Variants in LGR5 observed in about 807,000 individuals in gnomAD.
LGR5 encodes the protein leucine-rich repeat-containing G protein-coupled receptor 5.
In LGR5, 54 loss-of-function variants were observed where a neutral mutation model predicts 76.7. That is an observed-to-expected ratio of 0.70 (90% CI 0.57 to 0.88). LGR5 has a LOEUF of 0.88. Among genes scored for constraint, LGR5 ranks in the 40% least tolerant of loss-of-function variants. The pLI, the probability that LGR5 is intolerant of heterozygous loss-of-function variation, is 0.00. For missense variants in LGR5, 1,078 were observed against 1,073.3 expected, an observed-to-expected ratio of 1.00 and a Z score of -0.06; for synonymous variants, 406 against 421.9, an observed-to-expected ratio of 0.96 and a Z score of 0.46.
chr12:71,569,725 T>G (rs1422499945), intron 11 of LGR5, among the ~76,000 whole-genome samples: 1 of 152,182 alleles, frequency 6.6e-6, no homozygotes, highest in Non-Finnish European at 1.5e-5. Flanking sequence ...ATAAATTAGT[T>G]CAACCATTGT....
intron 1 of LGR5, among the ~76,000 whole-genome samples, chr12:71,488,952 A>G (rs1293722991): frequency 6.6e-6 from 1 of 152,198 alleles, no homozygotes; most frequent in African/African-American, 2.4e-5. Context: ...AAATCTGTCC[A>G]GGGATGCCCA....
At chr12:71,545,696 T>C (rs1877121446) in intron 4 of LGR5, among the ~76,000 whole-genome samples, 1 of 152,146 alleles carries the variant, frequency 6.6e-6, no homozygotes, top group Admixed American at 6.5e-5. Flanking sequence ...ACTAACACTT[T>C]ACTTCTTATA....
intron 2 of LGR5, among the ~76,000 whole-genome samples, chr12:71,518,658 T>C (rs1001639154): frequency 4.6e-5 from 7 of 152,128 alleles, no homozygotes; most frequent in African/African-American, 1.7e-4. Flanking sequence ...CCATGGAATA[T>C]TATTCAGCCA....
intron 4 of LGR5, among the ~76,000 whole-genome samples, chr12:71,540,910 A>T (rs1349062680): frequency 1.3e-5 from 2 of 152,216 alleles, no homozygotes; most frequent in Admixed American, 6.5e-5. Flanking sequence ...CTTCCACTAA[A>T]ATAGTCTCCA....
At chr12:71,501,262 G>T (rs1462608563) in intron 1 of LGR5, among the ~76,000 whole-genome samples, 1 of 152,154 alleles carries the variant, frequency 6.6e-6, no homozygotes, top group Non-Finnish European at 1.5e-5. Context: ...TCAGAATGAA[G>T]ATATTTTGCA....
At chr12:71,556,970 T>A (rs1877801280) in intron 6 of LGR5, among the ~76,000 whole-genome samples, 1 of 152,226 alleles carries the variant, frequency 6.6e-6, no homozygotes, top group South Asian at 2.1e-4. Flanking sequence ...TAGAAATGTG[T>A]AGTCTCTGTC....
chr12:71,525,269 A>G (rs1018609936), intron 3 of LGR5, among the ~76,000 whole-genome samples: 11 of 152,158 alleles, frequency 7.2e-5, no homozygotes, highest in African/African-American at 2.7e-4. Flanking sequence ...GACCTAAAAG[A>G]CACATAGGTT....
chr12:71,582,986 GGGGAA>G (rs1291792702), intron 17 of LGR5, among the ~76,000 whole-genome samples: 9 of 147,498 alleles, frequency 6.1e-5, no homozygotes, highest in Admixed American at 1.4e-4. Flanking sequence ...GGAAGGAGAA[GGGGAA>G]GGGAAGGGAG....
At chr12:71,499,248 A>G (rs1318905975) in intron 1 of LGR5, among the ~76,000 whole-genome samples, 1 of 152,146 alleles carries the variant, frequency 6.6e-6, no homozygotes, top group African/African-American at 2.4e-5. Flanking sequence ...GCTTTGATAC[A>G]GGATATATCA....
intron 5 of LGR5, among the ~76,000 whole-genome samples, chr12:71,553,829 A>G (rs1427172460): frequency 1.3e-5 from 2 of 152,170 alleles, no homozygotes; most frequent in Non-Finnish European, 2.9e-5. Context: ...AGTGGCTCAT[A>G]CCTGTAATCC....
At chr12:71,453,219 T>C (rs1216267554) in intron 1 of LGR5, among the ~76,000 whole-genome samples, 1 of 152,214 alleles carries the variant, frequency 6.6e-6, no homozygotes, top group Non-Finnish European at 1.5e-5. Flanking sequence ...ATTCTAACTT[T>C]TGTTTCTGAT....
At chr12:71,526,887 G>A (rs894395921) in intron 3 of LGR5, among the ~76,000 whole-genome samples, 1 of 152,074 alleles carries the variant, frequency 6.6e-6, no homozygotes, top group Non-Finnish European at 1.5e-5. Context: ...GGGACAATAC[G>A]TACAGCAACA....
chr12:71,566,492 C>T lies in LGR5; in HGVS notation c.929+17C>T, dbSNP rs746328435. ...AAGAACACTGTAAGTTTCTATGTCT[C>T]TTATGGATCACTTTCCCTCTACAGG... On this transcript the variant is annotated intron_variant, in intron 9 of 17. Transcript: ENST00000266674. 2 of 1,577,830 alleles carry T rather than the reference C, an allele frequency of 1.3e-6. No individual in the cohort carries two copies. The highest frequency in any genetic ancestry group is 1.1e-5 in the South Asian group (1 of 90,130).
At chr12:71,480,281 A>C (rs2137258569) in intron 1 of LGR5, among the ~76,000 whole-genome samples, 1 of 151,366 alleles carries the variant, frequency 6.6e-6, no homozygotes, top group East Asian at 1.9e-4. Flanking sequence ...GACACGCTTG[A>C]ACCTGGGAGG....
intron 2 of LGR5, among the ~76,000 whole-genome samples, chr12:71,509,883 T>C (rs1416892604): frequency 6.6e-6 from 1 of 152,212 alleles, no homozygotes; most frequent in African/African-American, 2.4e-5. Flanking sequence ...GCTCATATTA[T>C]GGTTGGACAT....
chr12:71,562,913 A>T (rs1878130566), intron 8 of LGR5, among the ~76,000 whole-genome samples: 1 of 152,212 alleles, frequency 6.6e-6, no homozygotes, highest in African/African-American at 2.4e-5. Flanking sequence ...GAAGAAAAAA[A>T]CTATTCATTG....
intron 2 of LGR5, among the ~76,000 whole-genome samples, chr12:71,517,597 A>G (rs1445406021): frequency 1.3e-5 from 2 of 151,864 alleles, no homozygotes; most frequent in Non-Finnish European, 2.9e-5. Flanking sequence ...ATAAACACCT[A>G]GTTGAAGGCT....
upstream of LGR5, among the ~76,000 whole-genome samples, chr12:71,439,193 A>G (rs1871620501): frequency 6.6e-6 from 1 of 152,132 alleles, no homozygotes; most frequent in Non-Finnish European, 1.5e-5. Flanking sequence ...CAGGAGCTGT[A>G]TTTGTTTAGC....
intron 5 of LGR5, among the ~76,000 whole-genome samples, chr12:71,556,310 CT>C (rs1395226850): frequency 4.0e-5 from 6 of 151,460 alleles, no homozygotes; most frequent in African/African-American, 1.5e-4. Context: ...ACATGCACCC[CT>C]GAACTTAAAA....
Sources: allele counts gnomAD v4.1 joint callset (sites outside exome capture counted in the v4.1 genomes callset), GRCh38; gene constraint gnomAD v4.1.1; transcripts MANE v1.5; gene names NCBI Gene and HGNC (gene_info 2026-07-23, HGNC 2026-07-21).